DDX19B: variants seen among roughly 807,000 people sequenced by gnomAD.
The protein encoded by DDX19B is ATP-dependent RNA helicase DDX19B.
A neutral mutation model predicts 58.1 loss-of-function variants in DDX19B; 27 were observed. That is an observed-to-expected ratio of 0.46 (90% CI 0.34 to 0.64). The LOEUF is 0.64. Among genes scored for constraint, DDX19B ranks in the 30% least tolerant of loss-of-function variants. DDX19B has a pLI of 0.01. For synonymous variants in DDX19B, 187 were observed against 214.4 expected (o/e 0.87, Z 1.12); for missense variants, 399 against 596.5 (o/e 0.67, Z 3.45).
Position 70,324,641 on chromosome 16 carries a change from T to C in DDX19B, c.446T>C (p.Val149Ala). The C allele has an allele frequency of 6.2e-7, 1 of 1,613,928 alleles. No homozygotes were observed. The highest frequency in any genetic ancestry group is 8.5e-7 in the Non-Finnish European group (1 of 1,179,982). ...QSGTGKTAAF[V>A]LAMLSQVEPA... The stretch of plus-strand genomic sequence containing the variant: ...GGTACTGGTAAAACAGCTGCCTTCG[T>C]GCTGGCCATGCTTAGCCAAGTAGAA... Residue 149 changes from valine (V) to alanine (A), a missense_variant, in exon 6 of 12, where the codon GTG (valine) becomes GCG (alanine). Val to Ala is a moderately conservative substitution (Grantham distance 64). Coordinates refer to ENST00000288071, the MANE Select transcript of DDX19B (RefSeq NM_007242.7).
intron 8 of DDX19B, 114 bp downstream of exon 8, chr16:70,329,583 C>T: frequency 6.7e-7 from 1 of 1,485,470 alleles, no homozygotes; most frequent in Non-Finnish European, 9.2e-7. Flanking sequence ...GTACTCTCAG[C>T]AGCATTTGTT....
At chr16:70,313,221 T>C (rs1597476181) in intron 2 of DDX19B, among the ~76,000 whole-genome samples, 3 of 152,138 alleles carry the variant, frequency 2.0e-5, no homozygotes, top group African/African-American at 7.2e-5. Context: ...GGTTTCACTG[T>C]GTTAGCCAGG....
chr16:70,310,703 G>A (rs1419541739), intron 1 of DDX19B, among the ~76,000 whole-genome samples: 2 of 152,028 alleles, frequency 1.3e-5, no homozygotes, highest in African/African-American at 2.4e-5. Flanking sequence ...CTGTGCTGGG[G>A]TCCAAGACTT....
At chr16:70,306,703 T>G (rs919622798) in intron 1 of DDX19B, among the ~76,000 whole-genome samples, 1 of 152,226 alleles carries the variant, frequency 6.6e-6, no homozygotes, top group Admixed American at 6.5e-5. Context: ...ATTCCTGCAT[T>G]TTATGAAACA....
rs993491586 is a variant in DDX19B at position 70,329,773 on chromosome 16, G to A, written c.786-58G>A. The stretch of plus-strand genomic sequence containing the variant: ...CTAGACCCTCCCAGCTGGGAAGGCT[G>A]TGCTTCTGTCGCTTCCCGGGGCCAC... On this transcript the variant is annotated intron_variant, in intron 8 of 11. Transcript: ENST00000288071. 1.9e-6 allele frequency: 3 copies of A among 1,606,486 alleles called. No homozygotes were observed. The African/African-American group carries it at 4.0e-5, about 21-fold the overall frequency.
intron 3 of DDX19B, among the ~76,000 whole-genome samples, chr16:70,315,373 C>A (rs1182527398): frequency 1.5e-5 from 2 of 136,988 alleles, no homozygotes; most frequent in South Asian, 4.5e-4. Context: ...GGCGAAAGAG[C>A]GAGACTCTGT....
chr16:70,317,785 AC>A (rs11326409), intron 5 of DDX19B, 197 bp downstream of exon 5: 14,177 of 365,854 alleles, frequency 0.039, 564 homozygotes, highest in East Asian at 0.21. Flanking sequence ...AAAAAAAAAA[AC>A]GTTATAAACT....
At position 70,333,650 on chromosome 16, in the gene DDX19B, C is replaced by A; in HGVS notation, c.*68C>A. The stretch of plus-strand genomic sequence containing the variant: ...GCACAGGAGACAAGTGCGTTCAGGG[C>A]ACAGGCCCCGACATCACCCCAAGGA... On this transcript the variant is annotated 3_prime_UTR_variant, in exon 12 of 12. Transcript: ENST00000288071. 4.3e-6 allele frequency: 7 copies of A among 1,611,310 alleles called. No homozygotes were observed. Among genetic ancestry groups the A allele is most frequent in the Non-Finnish European group, 5.9e-6 (7 of 1,177,454 alleles).
At chr16:70,314,057 T>C (rs11863128) in intron 2 of DDX19B, among the ~76,000 whole-genome samples, 14,098 of 151,918 alleles carry the variant, frequency 0.093, 2,142 homozygotes, top group African/African-American at 0.32. Flanking sequence ...TGCAGTGAGC[T>C]GAGATCGCAC....
chr16:70,298,513 G>T (rs1341140017), upstream of DDX19B, among the ~76,000 whole-genome samples: 1 of 151,794 alleles, frequency 6.6e-6, no homozygotes, highest in African/African-American at 2.4e-5. Context: ...TTCCTAGACA[G>T]AGTTTTGCTC....
At chr16:70,330,625 C>CA (rs1200978682) in intron 9 of DDX19B, among the ~76,000 whole-genome samples, 1 of 151,836 alleles carries the variant, frequency 6.6e-6, no homozygotes, top group Non-Finnish European at 1.5e-5. Context: ...AAACCAACAA[C>CA]AAAAAAAGAG....
At chr16:70,294,980 C>G, upstream of DDX19B, 6 of 1,434,780 alleles carry the variant, frequency 4.2e-6, no homozygotes, top group Non-Finnish European at 5.5e-6. Flanking sequence ...CTTCCTCGCC[C>G]CTACTCCTGG....
chr16:70,312,966 C>T (rs538608651), intron 2 of DDX19B, among the ~76,000 whole-genome samples: 1 of 152,120 alleles, frequency 6.6e-6, no homozygotes, highest in African/African-American at 2.4e-5. Flanking sequence ...CCTCAGCCTC[C>T]TGAGTAGCTG....
At chr16:70,321,335 G>A (rs1015201696) in intron 5 of DDX19B, among the ~76,000 whole-genome samples, 3 of 151,984 alleles carry the variant, frequency 2.0e-5, no homozygotes, top group African/African-American at 7.2e-5. Context: ...GCCCAGACTT[G>A]TCTTGAACTC....
upstream of DDX19B, chr16:70,290,112 A>G (rs777526563): frequency 4.9e-6 from 1 of 202,838 alleles, no homozygotes; most frequent in Non-Finnish European, 1.1e-5. Flanking sequence ...ATACATATAC[A>G]TATATACATG....
At chr16:70,309,502 AAAAC>A (rs139806456) in intron 1 of DDX19B, among the ~76,000 whole-genome samples, 5,368 of 149,036 alleles carry the variant, frequency 0.036, 332 homozygotes, top group African/African-American at 0.13. Flanking sequence ...CTCAAAAAAC[AAAAC>A]AAACAAACAA....
chr16:70,303,630 C>T (rs901782256), intron 1 of DDX19B, among the ~76,000 whole-genome samples: 2 of 152,178 alleles, frequency 1.3e-5, no homozygotes, highest in Non-Finnish European at 2.9e-5. Flanking sequence ...CATCTCGGCT[C>T]ACTGCAAGCT....
chr16:70,309,837 A>G (rs866312463), intron 1 of DDX19B, among the ~76,000 whole-genome samples: 11 of 149,420 alleles, frequency 7.4e-5, no homozygotes, highest in Non-Finnish European at 1.2e-4. Flanking sequence ...AAAAAAAAAA[A>G]AGAGAAATAG....
intron 11 of DDX19B, 87 bp from the exon 12 acceptor site, chr16:70,333,433 GA>G: frequency 1.2e-6 from 2 of 1,603,942 alleles, no homozygotes; most frequent in African/African-American, 1.3e-5. Flanking sequence ...TAGGCACCCG[GA>G]GCCTTTGGGG....
Sources: gnomAD v4.1 joint callset for allele counts (sites outside exome capture counted in the v4.1 genomes callset) on GRCh38, gnomAD v4.1.1 for gene constraint, MANE v1.5 for transcripts, NCBI Gene and HGNC (gene_info 2026-07-23, HGNC 2026-07-21) for gene names.